PRKD1: variants seen among roughly 807,000 people sequenced by gnomAD.
PRKD1 encodes protein kinase D1, also known as serine/threonine-protein kinase D1.
In PRKD1, 63 loss-of-function variants were observed where a neutral mutation model predicts 95.9. The observed-to-expected ratio is 0.66, with a 90% CI of 0.54 to 0.81. The LOEUF is 0.81. Ranked by LOEUF, PRKD1 falls within the 30% of genes least tolerant of loss-of-function variation. PRKD1 has a pLI of 0.00. For missense variants in PRKD1, 1,048 were observed against 1,165.3 expected (o/e 0.90, Z 1.47); for synonymous variants, 425 against 423.1 (o/e 1.00, Z -0.05).
intron 1 of PRKD1, among the ~76,000 whole-genome samples, chr14:29,865,919 G>A: frequency 6.6e-6 from 1 of 152,000 alleles, no homozygotes; most frequent in East Asian, 1.9e-4. Flanking sequence ...ATACATCTGG[G>A]ATACAATAAT....
intron 13 of PRKD1, among the ~76,000 whole-genome samples, chr14:29,621,100 A>AAC (rs1879223119): frequency 6.7e-6 from 1 of 149,648 alleles, no homozygotes; most frequent in Non-Finnish European, 1.5e-5. Flanking sequence ...ACAAAAAAAA[A>AAC]CAAACACTGC....
chr14:29,826,772 C>CACAT (rs1891175770), intron 1 of PRKD1, among the ~76,000 whole-genome samples: 1 of 21,208 alleles, frequency 4.7e-5, no homozygotes, highest in African/African-American at 1.7e-4. Context: ...TATATATACA[C>CACAT]ATATATATAC....
chr14:29,878,727 A>C (rs2139391438), intron 1 of PRKD1, among the ~76,000 whole-genome samples: 2 of 152,286 alleles, frequency 1.3e-5, no homozygotes, highest in South Asian at 4.1e-4. Context: ...GACAGAAAGA[A>C]GGTTAGAGGT....
At chr14:29,634,279 A>G in intron 8 of PRKD1, 139 bp downstream of exon 8, 4 of 1,309,128 alleles carry the variant, frequency 3.1e-6, no homozygotes, top group Non-Finnish European at 3.2e-6. Context: ...ACTGTAATGC[A>G]CCTTACCTAA....
intron 1 of PRKD1, among the ~76,000 whole-genome samples, chr14:29,802,224 T>G (rs1245845406): frequency 6.6e-6 from 1 of 151,314 alleles, no homozygotes; most frequent in African/African-American, 2.4e-5. Context: ...CAAACAAGAA[T>G]AAGTAATAGT....
chr14:29,910,789 T>C (rs913895204), intron 1 of PRKD1, among the ~76,000 whole-genome samples: 3 of 152,072 alleles, frequency 2.0e-5, no homozygotes, highest in Non-Finnish European at 4.4e-5. Flanking sequence ...CTGATAGAAA[T>C]AGGGTTCTGT....
At chr14:29,601,024 T>G (rs564188827) in intron 13 of PRKD1, among the ~76,000 whole-genome samples, 1 of 152,190 alleles carries the variant, frequency 6.6e-6, no homozygotes, top group South Asian at 2.1e-4. Flanking sequence ...AACTTAAATG[T>G]GCTAACAGCT....
At chr14:29,734,196 C>T (rs1052277302) in intron 1 of PRKD1, among the ~76,000 whole-genome samples, 2 of 151,730 alleles carry the variant, frequency 1.3e-5, no homozygotes, top group Non-Finnish European at 2.9e-5. Flanking sequence ...GTGCCCACCA[C>T]ACGCCTGGCT....
chr14:29,898,062 A>G (rs1016006234), intron 1 of PRKD1, among the ~76,000 whole-genome samples: 1 of 152,166 alleles, frequency 6.6e-6, no homozygotes, highest in Admixed American at 6.5e-5. Context: ...TCACAAATTT[A>G]GAAATTTTTT....
rs530709198 is a variant in PRKD1, at chr14:29,622,221, T to C, written c.1905+1931A>G. 1.1e-4 allele frequency among the ~76,000 whole-genome samples: 17 copies of C among 152,180 alleles called. No homozygotes were observed. In the South Asian group the frequency reaches 3.1e-3, roughly 28 times the overall value. ...TAAGGAGGCGGAACACAGAAGATAA[T>C]GCTTTCTGGCCCACCGCACACCTCC... is the stretch of plus-strand genomic sequence containing the variant. On this transcript the variant is annotated intron_variant, in intron 13 of 17. Coordinates refer to ENST00000331968, the MANE Select transcript of PRKD1 (RefSeq NM_002742.3).
intron 13 of PRKD1, among the ~76,000 whole-genome samples, chr14:29,614,075 G>T (rs569743732): frequency 6.6e-6 from 1 of 152,102 alleles, no homozygotes; most frequent in Non-Finnish European, 1.5e-5. Context: ...CCCCAAGTTT[G>T]CTTTCATGAT....
At chr14:29,842,765 G>A (rs1388051080) in intron 1 of PRKD1, among the ~76,000 whole-genome samples, 1 of 152,126 alleles carries the variant, frequency 6.6e-6, no homozygotes, top group African/African-American at 2.4e-5. Flanking sequence ...TATGTCTACA[G>A]GATTATGAGC....
chr14:29,628,788 A>C (rs1300908861), intron 11 of PRKD1, among the ~76,000 whole-genome samples: 1 of 152,208 alleles, frequency 6.6e-6, no homozygotes, highest in Non-Finnish European at 1.5e-5. Flanking sequence ...AATATGTGAG[A>C]AATCAGGCAT....
At position 29,927,761 on chromosome 14, in the gene PRKD1, G is replaced by C. The variant is rs1047058087; in HGVS notation, c.-249C>G. The C allele has an allele frequency of 3.5e-4, 63 of 179,504 alleles. No homozygotes were observed. The highest frequency in any genetic ancestry group is 5.6e-4 in the Admixed American group (9 of 16,062). 11.1% of individuals were successfully genotyped at this position (179,504 alleles called of 1,614,324 possible). On this transcript the variant is annotated 5_prime_UTR_variant, in exon 1 of 18. Coordinates refer to ENST00000331968, the MANE Select transcript of PRKD1 (RefSeq NM_002742.3). ...GGGAGGACTCTGAGGCCCGGAACGCGGCAGCCGGCTCGGGGCCGCCGGCAC... is the reference window on the plus strand; with the variant it reads ...GGGAGGACTCTGAGGCCCGGAACGCCGCAGCCGGCTCGGGGCCGCCGGCAC...
chr14:29,708,633 C>T (rs1241053920), intron 2 of PRKD1, among the ~76,000 whole-genome samples: 1 of 152,062 alleles, frequency 6.6e-6, no homozygotes, highest in East Asian at 1.9e-4. Context: ...CAGGTGGATC[C>T]TTTCAGCTCA....
Position 29,791,573 on chromosome 14 carries a change from T to C in PRKD1, c.265-65899A>G, listed in dbSNP as rs116556036. Among the ~76,000 whole-genome samples the C allele has an allele frequency of 8.9e-3, 1,354 of 152,316 alleles. 19 individuals are homozygous for C. The highest frequency in any genetic ancestry group is 0.032 in the African/African-American group (1,312 of 41,582). On this transcript the variant is annotated intron_variant, in intron 1 of 17. Coordinates refer to ENST00000331968, the MANE Select transcript of PRKD1 (RefSeq NM_002742.3). ...TTTCTAGAATTTTCTAAAAATATTA[T>C]GTACTCTTTTTATGTGTAATGTCTT...
intron 13 of PRKD1, among the ~76,000 whole-genome samples, chr14:29,619,851 A>T (rs1879126192): frequency 6.6e-6 from 1 of 152,168 alleles, no homozygotes; most frequent in Admixed American, 6.5e-5. Context: ...GGTTTCTTTC[A>T]GCCTGCATCA....
intron 1 of PRKD1, among the ~76,000 whole-genome samples, chr14:29,875,321 C>T (rs561756364): frequency 1.8e-3 from 280 of 152,112 alleles, no homozygotes; most frequent in Non-Finnish European, 3.1e-3. Flanking sequence ...TAAAAAAATG[C>T]TTATAAAATG....
intron 1 of PRKD1, among the ~76,000 whole-genome samples, chr14:29,856,098 A>C (rs535605421): frequency 6.6e-6 from 1 of 152,186 alleles, no homozygotes. Context: ...GGATGGCACC[A>C]TACAAAGAAT....
Sources: allele counts gnomAD v4.1 joint callset (sites outside exome capture counted in the v4.1 genomes callset), GRCh38; gene constraint gnomAD v4.1.1; transcripts MANE v1.5; gene names NCBI Gene and HGNC (gene_info 2026-07-23, HGNC 2026-07-21).